Variants in NSUN6 observed in about 807,000 individuals in gnomAD.
NSUN6 encodes the protein tRNA (cytosine(72)-C(5))-methyltransferase NSUN6.
NSUN6 carries 64 observed loss-of-function variants against 58.0 expected under a neutral mutation model. That is an observed-to-expected ratio of 1.10 (90% CI 0.90 to 1.36). The LOEUF (loss-of-function observed/expected upper bound fraction) is 1.36. NSUN6 is among the 40% of genes most tolerant of loss of function. NSUN6 has a pLI of 0.00. For missense variants in NSUN6, 701 were observed against 550.1 expected, an observed-to-expected ratio of 1.27 and a Z score of -2.74; for synonymous variants, 231 against 193.9, an observed-to-expected ratio of 1.19 and a Z score of -1.59.
chr10:18,627,466 A>C (rs1436570815), intron 3 of NSUN6, among the ~76,000 whole-genome samples: 2 of 152,226 alleles, frequency 1.3e-5, no homozygotes, highest in African/African-American at 4.8e-5. Flanking sequence ...GCGACGCAGA[A>C]GACGGGTGAT....
upstream of NSUN6, chr10:18,655,258 A>G (rs115636192): frequency 1.9e-3 from 882 of 468,384 alleles, 6 homozygotes; most frequent in African/African-American, 0.017. Flanking sequence ...TTCCTGGGCA[A>G]TCTATATCTT....
chr10:18,640,486 C>A (rs2059357854), intron 3 of NSUN6, among the ~76,000 whole-genome samples: 1 of 152,158 alleles, frequency 6.6e-6, no homozygotes, highest in Admixed American at 6.5e-5. Flanking sequence ...TAAATAAGTA[C>A]AATTTTGCAT....
At chr10:18,615,829 C>T (rs2058389641) in intron 4 of NSUN6, among the ~76,000 whole-genome samples, 1 of 152,136 alleles carries the variant, frequency 6.6e-6, no homozygotes, top group African/African-American at 2.4e-5. Context: ...TGTTCAGAGT[C>T]CAGGTTCTGG....
At chr10:18,615,183 T>TTACAGTA (rs1419732105) in intron 4 of NSUN6, among the ~76,000 whole-genome samples, 1 of 151,858 alleles carries the variant, frequency 6.6e-6, no homozygotes, top group African/African-American at 2.4e-5. Context: ...AGAATACCTT[T>TTACAGTA]TACAGTATAC....
intron 3 of NSUN6, among the ~76,000 whole-genome samples, chr10:18,621,667 T>C (rs1052617280): frequency 2.6e-5 from 4 of 152,130 alleles, no homozygotes; most frequent in Non-Finnish European, 4.4e-5. Context: ...TTTAGTAATA[T>C]AGGTTGGAGA....
chr10:18,573,752 G>A (rs951793991), intron 8 of NSUN6, among the ~76,000 whole-genome samples: 1 of 152,084 alleles, frequency 6.6e-6, no homozygotes, highest in Non-Finnish European at 1.5e-5. Flanking sequence ...AAAGCCCAAA[G>A]TTAAATATTT....
At chr10:18,560,411 G>C (rs147631463) in intron 8 of NSUN6, among the ~76,000 whole-genome samples, 8 of 150,480 alleles carry the variant, frequency 5.3e-5, no homozygotes, top group Non-Finnish European at 8.9e-5. Flanking sequence ...AGAATGAAGT[G>C]GGCAACGGAA....
At chr10:18,646,835 CA>C (rs2059561003) in intron 2 of NSUN6, among the ~76,000 whole-genome samples, 1 of 151,630 alleles carries the variant, frequency 6.6e-6, no homozygotes, top group African/African-American at 2.4e-5. Flanking sequence ...CCTCTCAAAA[CA>C]AAACAAAAAA....
intron 6 of NSUN6, among the ~76,000 whole-genome samples, chr10:18,605,655 A>C (rs1290778748): frequency 6.6e-6 from 1 of 152,200 alleles, no homozygotes; most frequent in African/African-American, 2.4e-5. Context: ...AACAAACATC[A>C]CCAGTAAGAG....
intron 8 of NSUN6, among the ~76,000 whole-genome samples, chr10:18,559,728 A>G (rs2055334783): frequency 6.6e-6 from 1 of 151,254 alleles, no homozygotes; most frequent in Non-Finnish European, 1.5e-5. Context: ...GGAATGGACA[A>G]TGGAATGGAA....
Position 18,599,867 on chromosome 10 carries a change from C to A in NSUN6, c.658-3540G>T, listed in dbSNP as rs555203213. 7.2e-5 allele frequency among the ~76,000 whole-genome samples: 11 copies of A among 152,164 alleles called. No homozygotes were observed. In the South Asian group the frequency reaches 1.9e-3, roughly 26 times the overall value. ...ACAGTTGCTGTATTTAACTGTCAAC[C>A]CTTTATTAGACAATTAGTTCAACTG... On this transcript the variant is annotated intron_variant, in intron 6 of 10. Transcript: ENST00000377304.
At chr10:18,624,579 A>T (rs2131415508) in intron 3 of NSUN6, among the ~76,000 whole-genome samples, 2 of 139,432 alleles carry the variant, frequency 1.4e-5, no homozygotes, top group South Asian at 5.0e-4. Context: ...TAGACCCGGG[A>T]TGTAGAGCTT....
chr10:18,566,183 T>A (rs1312607947), intron 8 of NSUN6, among the ~76,000 whole-genome samples: 1 of 151,282 alleles, frequency 6.6e-6, no homozygotes, highest in Non-Finnish European at 1.5e-5. Flanking sequence ...TCCATTCTAT[T>A]CCATTCTCCA....
intron 2 of NSUN6, 89 bp downstream of exon 2, chr10:18,648,401 T>A (rs1389401861): frequency 1.2e-5 from 9 of 742,740 alleles, no homozygotes; most frequent in Non-Finnish European, 1.8e-5. Flanking sequence ...AAACTGGAAG[T>A]GTATTATATC....
At chr10:18,634,015 C>T (rs1463927904) in intron 3 of NSUN6, among the ~76,000 whole-genome samples, 1 of 152,196 alleles carries the variant, frequency 6.6e-6, no homozygotes, top group African/African-American at 2.4e-5. Flanking sequence ...TATGCTCTTT[C>T]GCCCATTCTG....
Position 18,606,861 on chromosome 10 carries a change from G to A in NSUN6, c.657+2984C>T, listed in dbSNP as rs578232502. ...CAAATTCACTGCAGTCTTGGTCAACGGTGTTATTAAATTATAGAATTTGTG... is the reference window on the plus strand; with the variant it reads ...CAAATTCACTGCAGTCTTGGTCAACAGTGTTATTAAATTATAGAATTTGTG... On this transcript the variant is annotated intron_variant, in intron 6 of 10. Coordinates refer to ENST00000377304, the MANE Select transcript of NSUN6 (RefSeq NM_182543.5). Among the ~76,000 whole-genome samples the A allele has an allele frequency of 7.9e-5, 12 of 152,158 alleles. No homozygotes were observed. The South Asian group carries it at 1.2e-3, about 16-fold the overall frequency.
chr10:18,627,849 C>T (rs996886793), intron 3 of NSUN6, among the ~76,000 whole-genome samples: 1 of 152,246 alleles, frequency 6.6e-6, no homozygotes, highest in Non-Finnish European at 1.5e-5. Context: ...CAGCCATTGC[C>T]CAGGCTTGCT....
chr10:18,582,279 G>A (rs1049482076), intron 8 of NSUN6, among the ~76,000 whole-genome samples: 2 of 152,126 alleles, frequency 1.3e-5, no homozygotes, highest in African/African-American at 2.4e-5. Flanking sequence ...GTCACCTGAT[G>A]CTTGCCTGAC....
chr10:18,557,725 A>ATGGAATGGAGAATGAAC (rs2090429019), intron 8 of NSUN6, among the ~76,000 whole-genome samples: 2 of 151,338 alleles, frequency 1.3e-5, no homozygotes, highest in Non-Finnish European at 3.0e-5. Context: ...GGAGAATGGA[A>ATGGAATGGAGAATGAAC]TGGAATGGAG....
Sources: allele counts gnomAD v4.1 joint callset (sites outside exome capture counted in the v4.1 genomes callset), GRCh38; gene constraint gnomAD v4.1.1; transcripts MANE v1.5; gene names NCBI Gene and HGNC (gene_info 2026-07-23, HGNC 2026-07-21).